Variants in SHQ1 observed in about 807,000 individuals in gnomAD.
The protein encoded by SHQ1 is SHQ1, H/ACA ribonucleoprotein assembly factor.
A neutral mutation model predicts 53.8 loss-of-function variants in SHQ1; 49 were observed. The ratio of observed to expected loss-of-function variants is 0.91; its 90% CI spans 0.72 to 1.16. The LOEUF (loss-of-function observed/expected upper bound fraction) is 1.16, where lower values mean the gene tolerates loss of function less well. Ranked by LOEUF, SHQ1 falls within the 50% of genes most tolerant of loss-of-function variation. The pLI is 0.00. For synonymous variants in SHQ1, 243 were observed against 251.0 expected (o/e 0.97, Z 0.30); for missense variants, 738 against 683.1 (o/e 1.08, Z -0.90).
At chr3:72,777,225 CT>C (rs1705976090) in intron 10 of SHQ1, among the ~76,000 whole-genome samples, 1 of 152,162 alleles carries the variant, frequency 6.6e-6, no homozygotes, top group Non-Finnish European at 1.5e-5. Flanking sequence ...AGATTAAAAA[CT>C]TCTGTTTATG....
At chr3:72,740,921 TG>T in the SHQ1 span, among the ~76,000 whole-genome samples, 12 of 152,176 alleles carry the variant, frequency 7.9e-5, no homozygotes, top group African/African-American at 2.7e-4. Flanking sequence ...AGATTCACCT[TG>T]TGATTATCCT....
intron 10 of SHQ1, among the ~76,000 whole-genome samples, chr3:72,765,557 A>ATATATATATATATATATATATT (rs1491527508): frequency 7.0e-5 from 4 of 57,188 alleles, no homozygotes; most frequent in African/African-American, 2.4e-4. Flanking sequence ...ATATATATAT[A>ATATATATATATATATATATATT]TTTTTTTTTT....
intron 10 of SHQ1, among the ~76,000 whole-genome samples, chr3:72,761,822 T>C (rs924985918): frequency 1.3e-5 from 2 of 152,204 alleles, no homozygotes; most frequent in African/African-American, 2.4e-5. Flanking sequence ...AGTAGAACAC[T>C]TCTTACTTTT....
At chr3:72,767,475 A>G (rs901542439) in intron 10 of SHQ1, among the ~76,000 whole-genome samples, 2 of 152,224 alleles carry the variant, frequency 1.3e-5, no homozygotes, top group African/African-American at 2.4e-5. Context: ...AGTCCTTGAC[A>G]AAACGTTTAT....
Position 72,841,271 on chromosome 3 carries a change from A to G in SHQ1, c.332-72T>C. 4 of 1,210,966 alleles carry G rather than the reference A, an allele frequency of 3.3e-6. No individual in the cohort carries two copies. The South Asian group carries it at 6.2e-5, about 19-fold the overall frequency. 75.0% of individuals were successfully genotyped at this position (1,210,966 alleles called of 1,614,324 possible). ...CAACTAGGGGAAGAAAAAGTATAGG[A>G]AAAAATGCCCACAAAGATGTACCAA... is the stretch of plus-strand genomic sequence containing the variant. On this transcript the variant is annotated intron_variant, in intron 3 of 10. Transcript: ENST00000325599.
rs141157088 is a variant in SHQ1 at position 72,754,500 on chromosome 3, G to A, written c.1182-3664C>T. Among the ~76,000 whole-genome samples the A allele has an allele frequency of 0.01, 1,524 of 151,384 alleles. 51 individuals are homozygous for A. In the East Asian group the frequency reaches 0.1, roughly 10 times the overall value. On this transcript the variant is annotated intron_variant, in intron 10 of 10. Transcript: ENST00000325599. ...GGGTTCAAGAGATTCTCCTGCCTCC[G>A]CCTCCCGAGTAGCTGGAATTACAGA...
At chr3:72,778,869 T>C (rs1487655229) in intron 10 of SHQ1, among the ~76,000 whole-genome samples, 1 of 152,226 alleles carries the variant, frequency 6.6e-6, no homozygotes, top group Non-Finnish European at 1.5e-5. Context: ...GTTTTATCAT[T>C]CATTCAGCTG....
chr3:72,751,529 T>TAC lies in SHQ1; in HGVS notation c.1182-695_1182-694dup, dbSNP rs1467497305. On this transcript the variant is annotated intron_variant, in intron 10 of 10. Transcript: ENST00000325599. ...GTGTGTATATATATATATATATATA[T>TAC]ACATATACATACACTAATAAAGCCT... Among the ~76,000 whole-genome samples the TAC allele has an allele frequency of 8.4e-3, 1,157 of 138,030 alleles. 63 individuals are homozygous for TAC. Among genetic ancestry groups the TAC allele is most frequent in the African/African-American group, 0.032 (1,097 of 34,014 alleles). The allele number at this position is 138,030 out of a possible 152,430, so 90.6% of individuals were successfully genotyped here. A position where few individuals can be genotyped will look rare whatever the true frequency, so the allele number is the denominator to read the frequency against.
Position 72,800,541 on chromosome 3 carries a change from A to G in SHQ1, c.1061-7505T>C, listed in dbSNP as rs7633944. Among the ~76,000 whole-genome samples the G allele has an allele frequency of 5.1e-3, 781 of 152,348 alleles. 10 individuals are homozygous for G. The highest frequency in any genetic ancestry group is 0.018 in the African/African-American group (751 of 41,572). The stretch of plus-strand genomic sequence containing the variant: ...ACCACTATGCAATAAATCCACTGTC[A>G]GTATTTATCACCATGTGTGATGAAG... On this transcript the variant is annotated intron_variant, in intron 9 of 10. Coordinates refer to ENST00000325599, the MANE Select transcript of SHQ1 (RefSeq NM_018130.3).
chr3:72,733,714 C>T, the SHQ1 span, among the ~76,000 whole-genome samples: 1 of 151,594 alleles, frequency 6.6e-6, no homozygotes, highest in African/African-American at 2.4e-5. Flanking sequence ...GCGGTAAATC[C>T]CAACCTGCCT....
intron 4 of SHQ1, among the ~76,000 whole-genome samples, chr3:72,834,722 T>C (rs997825351): frequency 1.3e-5 from 2 of 152,184 alleles, no homozygotes; most frequent in African/African-American, 4.8e-5. Context: ...TACTATTATG[T>C]AGTATTTTCC....
chr3:72,812,886 A>G (rs1229398751), intron 8 of SHQ1, 92 bp from the exon 9 acceptor site: 14 of 1,485,198 alleles, frequency 9.4e-6, no homozygotes, highest in South Asian at 8.5e-5. Flanking sequence ...CTCATTTAAA[A>G]GCTGCAAGTT....
chr3:72,737,409 T>A, the SHQ1 span, among the ~76,000 whole-genome samples: 1 of 151,346 alleles, frequency 6.6e-6, no homozygotes, highest in African/African-American at 2.4e-5. Context: ...ACTGGGGAAA[T>A]TTGGAAGGGG....
chr3:72,796,496 C>CA (rs1056213751), intron 9 of SHQ1, among the ~76,000 whole-genome samples: 6 of 151,790 alleles, frequency 4.0e-5, no homozygotes, highest in Non-Finnish European at 5.9e-5. Flanking sequence ...CCAGCTATCA[C>CA]AAAAAAAATA....
intron 7 of SHQ1, among the ~76,000 whole-genome samples, chr3:72,816,311 C>A (rs1707315018): frequency 6.6e-6 from 1 of 152,120 alleles, no homozygotes; most frequent in Non-Finnish European, 1.5e-5. Flanking sequence ...GAAATAGATA[C>A]ATCACCATGT....
intron 10 of SHQ1, among the ~76,000 whole-genome samples, chr3:72,763,781 T>G (rs1423292224): frequency 6.6e-6 from 1 of 152,174 alleles, no homozygotes; most frequent in Non-Finnish European, 1.5e-5. Context: ...CGGAACAGAT[T>G]CTCCTGCAGA....
chr3:72,757,161 G>A (rs907116338), intron 10 of SHQ1, among the ~76,000 whole-genome samples: 1 of 152,142 alleles, frequency 6.6e-6, no homozygotes, highest in African/African-American at 2.4e-5. Context: ...AACCGACTAG[G>A]TTTCATTTCC....
the SHQ1 span, among the ~76,000 whole-genome samples, chr3:72,741,749 C>T: frequency 7.9e-5 from 12 of 152,034 alleles, no homozygotes; most frequent in Non-Finnish European, 1.5e-4. Context: ...GTTGGCCCTC[C>T]GTATCCTGGG....
At chr3:72,756,165 T>G (rs6549483) in intron 10 of SHQ1, among the ~76,000 whole-genome samples, 55,867 of 151,910 alleles carry the variant, frequency 0.37, 13,305 homozygotes, top group African/African-American at 0.68. Context: ...TTCCCAGAGT[T>G]CTGTGATTAC....
Sources: gnomAD v4.1 joint callset for allele counts (sites outside exome capture counted in the v4.1 genomes callset) on GRCh38, gnomAD v4.1.1 for gene constraint, MANE v1.5 for transcripts, NCBI Gene and HGNC (gene_info 2026-07-23, HGNC 2026-07-21) for gene names.